The following KIAA1328 variants were observed in gnomAD, a reference collection of about 807,000 sequenced individuals.
The protein encoded by KIAA1328 is KIAA1328.
KIAA1328 carries 52 observed loss-of-function variants against 68.1 expected under a neutral mutation model. The ratio of observed to expected loss-of-function variants is 0.76; its 90% CI spans 0.61 to 0.96. The LOEUF (loss-of-function observed/expected upper bound fraction) is 0.96. Ranked by LOEUF, KIAA1328 falls within the 40% of genes least tolerant of loss-of-function variation. KIAA1328 has a pLI of 0.00. For synonymous variants in KIAA1328, 232 were observed against 239.4 expected (o/e 0.97, Z 0.28); for missense variants, 641 against 677.6 (o/e 0.95, Z 0.60).
intron 7 of KIAA1328, among the ~76,000 whole-genome samples, chr18:37,095,661 C>G (rs950762794): frequency 6.6e-6 from 1 of 151,762 alleles, no homozygotes; most frequent in Non-Finnish European, 1.5e-5. Flanking sequence ...GACAACAGAA[C>G]TAAATGAAAT....
At chr18:37,150,954 T>A (rs1207637839) in intron 7 of KIAA1328, among the ~76,000 whole-genome samples, 1 of 152,142 alleles carries the variant, frequency 6.6e-6, no homozygotes, top group African/African-American at 2.4e-5. Flanking sequence ...TCTGGGAGGT[T>A]CTGGTGTGAT....
intron 9 of KIAA1328, among the ~76,000 whole-genome samples, chr18:37,217,080 T>G (rs1248082999): frequency 6.6e-6 from 1 of 151,128 alleles, no homozygotes; most frequent in Non-Finnish European, 1.5e-5. Flanking sequence ...GTGAGATGAG[T>G]CTCCTGAATA....
At chr18:36,897,929 G>A (rs972673870) in intron 5 of KIAA1328, among the ~76,000 whole-genome samples, 1 of 152,008 alleles carries the variant, frequency 6.6e-6, no homozygotes, top group Non-Finnish European at 1.5e-5. Flanking sequence ...AGCCCTATTG[G>A]TAAATCTTTA....
At chr18:36,874,697 T>C (rs2048062204) in intron 4 of KIAA1328, among the ~76,000 whole-genome samples, 1 of 152,228 alleles carries the variant, frequency 6.6e-6, no homozygotes, top group Admixed American at 6.5e-5. Context: ...TAGAACCCAT[T>C]TGTAAATTTT....
At chr18:36,904,141 C>G (rs534804978) in intron 5 of KIAA1328, among the ~76,000 whole-genome samples, 8 of 152,178 alleles carry the variant, frequency 5.3e-5, no homozygotes, top group African/African-American at 1.7e-4. Context: ...GGAGTCTATT[C>G]TATTAACATG....
chr18:37,094,543 C>T (rs1043775289), intron 7 of KIAA1328, among the ~76,000 whole-genome samples: 4 of 152,060 alleles, frequency 2.6e-5, no homozygotes, highest in African/African-American at 9.7e-5. Context: ...TGAAAACATA[C>T]ACAGGTATAA....
rs1426397634 is a variant in KIAA1328 at position 36,910,347 on chromosome 18, C to T, written c.448+24675C>T. On this transcript the variant is annotated intron_variant, in intron 5 of 9. Coordinates refer to ENST00000280020, the MANE Select transcript of KIAA1328 (RefSeq NM_020776.3). The stretch of plus-strand genomic sequence containing the variant: ...TTTCAGCTTTCTACATATGGCTAGC[C>T]AGTTTTCCCAGCATCATTTATTAAA... Among the ~76,000 whole-genome samples the T allele has an allele frequency of 2.6e-5, 4 of 152,106 alleles. No individual in the cohort carries two copies. In the East Asian group the frequency reaches 5.8e-4, roughly 22 times the overall value.
At chr18:37,063,198 A>G (rs1469667429) in intron 6 of KIAA1328, among the ~76,000 whole-genome samples, 3 of 151,780 alleles carry the variant, frequency 2.0e-5, no homozygotes, top group Admixed American at 1.3e-4. Context: ...TATGTGATAC[A>G]TGTCCCATTT....
chr18:37,194,984 A>G (rs73421190), intron 9 of KIAA1328, among the ~76,000 whole-genome samples: 5,219 of 152,200 alleles, frequency 0.034, 312 homozygotes, highest in African/African-American at 0.12. Context: ...TTGATATATC[A>G]TAGTTGTACA....
intron 5 of KIAA1328, among the ~76,000 whole-genome samples, chr18:36,948,116 T>A (rs2050976100): frequency 6.6e-6 from 1 of 152,074 alleles, no homozygotes. Context: ...TAGAGTTTTA[T>A]TTTTGCAGGA....
At chr18:36,896,829 C>G (rs1389090288) in intron 5 of KIAA1328, among the ~76,000 whole-genome samples, 1 of 152,082 alleles carries the variant, frequency 6.6e-6, no homozygotes, top group East Asian at 1.9e-4. Flanking sequence ...ATCTGATGTA[C>G]TCTTTTCAGC....
intron 7 of KIAA1328, among the ~76,000 whole-genome samples, chr18:37,137,898 A>T (rs1333634240): frequency 6.6e-6 from 1 of 152,110 alleles, no homozygotes; most frequent in Non-Finnish European, 1.5e-5. Context: ...GTGTGATAAT[A>T]TAACTAGCCC....
intron 6 of KIAA1328, among the ~76,000 whole-genome samples, chr18:37,008,039 A>G (rs2053843703): frequency 6.6e-6 from 1 of 152,332 alleles, no homozygotes; most frequent in African/African-American, 2.4e-5. Flanking sequence ...CACCACAGGA[A>G]CCAAGTAAAT....
At chr18:37,088,124 C>G (rs1351450621) in intron 7 of KIAA1328, among the ~76,000 whole-genome samples, 1 of 152,176 alleles carries the variant, frequency 6.6e-6, no homozygotes, top group Non-Finnish European at 1.5e-5. Flanking sequence ...ATCTTTTCAA[C>G]CCCAGCTAGC....
At chr18:37,142,414 A>C (rs938488133) in intron 7 of KIAA1328, among the ~76,000 whole-genome samples, 2 of 151,562 alleles carry the variant, frequency 1.3e-5, no homozygotes, top group Non-Finnish European at 2.9e-5. Flanking sequence ...CTGTTCTCGA[A>C]CTCCTGACCT....
At chr18:36,869,218 A>G (rs1266085583) in intron 4 of KIAA1328, among the ~76,000 whole-genome samples, 1 of 152,220 alleles carries the variant, frequency 6.6e-6, no homozygotes, top group African/African-American at 2.4e-5. Context: ...AATTTACACT[A>G]TAGGCAGTAT....
rs1449861006 is a variant in KIAA1328, at chr18:37,222,385, C to T, written c.*158C>T. On this transcript the variant is annotated 3_prime_UTR_variant, in exon 10 of 10. Transcript: ENST00000280020. Reference sequence around the variant, plus strand: ...TTGAATATAGAAATCATTCTAACAACCCAGGTTATTTTCAATCAGACCAGG... The same window carrying T: ...TTGAATATAGAAATCATTCTAACAATCCAGGTTATTTTCAATCAGACCAGG... 2 of 1,443,842 alleles carry T rather than the reference C, an allele frequency of 1.4e-6. No individual in the cohort carries two copies. Among genetic ancestry groups the T allele is most frequent in the Non-Finnish European group, 1.8e-6 (2 of 1,106,220 alleles). 89.4% of individuals were successfully genotyped at this position (1,443,842 alleles called of 1,614,324 possible). A position where few individuals can be genotyped will look rare whatever the true frequency, so the allele number is the denominator to read the frequency against.
At chr18:36,884,174 C>T (rs2048418816) in intron 4 of KIAA1328, among the ~76,000 whole-genome samples, 1 of 151,746 alleles carries the variant, frequency 6.6e-6, no homozygotes, top group Non-Finnish European at 1.5e-5. Flanking sequence ...AAAGGGAAGG[C>T]ATTGTAAAGA....
chr18:36,850,419 C>G (rs1230363073), intron 4 of KIAA1328, among the ~76,000 whole-genome samples: 1 of 151,926 alleles, frequency 6.6e-6, no homozygotes, highest in East Asian at 1.9e-4. Flanking sequence ...TTTCTATATA[C>G]AGTAGTCTCC....
Sources: allele counts gnomAD v4.1 joint callset (sites outside exome capture counted in the v4.1 genomes callset), GRCh38; gene constraint gnomAD v4.1.1; transcripts MANE v1.5; gene names NCBI Gene and HGNC (gene_info 2026-07-23, HGNC 2026-07-21).